Variants in LNX1 observed in about 807,000 individuals in gnomAD.
LNX1 encodes ligand of numb-protein X 1, also known as E3 ubiquitin-protein ligase LNX.
A neutral mutation model predicts 68.4 loss-of-function variants in LNX1; 54 were observed. That is an observed-to-expected ratio of 0.79 (90% CI 0.63 to 0.99). The LOEUF is 0.99. LNX1 is among the 50% of genes least tolerant of loss of function. The probability of loss-of-function intolerance (pLI) is 0.00; values close to 1 mark genes in which losing one functional copy is unlikely to be tolerated. For synonymous variants in LNX1, 336 were observed against 350.0 expected, an observed-to-expected ratio of 0.96 and a Z score of 0.45; for missense variants, 906 against 926.4, an observed-to-expected ratio of 0.98 and a Z score of 0.29.
intron 2 of LNX1, among the ~76,000 whole-genome samples, chr4:53,509,026 C>A (rs1325482232): frequency 1.3e-5 from 2 of 152,122 alleles, no homozygotes; most frequent in East Asian, 3.8e-4. Context: ...TGAAAAAGAA[C>A]ATTCTCGAGG....
intron 1 of LNX1, among the ~76,000 whole-genome samples, chr4:53,641,163 A>G: frequency 7.9e-6 from 1 of 125,858 alleles, no homozygotes; most frequent in Admixed American, 9.4e-5. Context: ...GCTGGAGGAG[A>G]TCCAAGCTGC....
In LNX1 at chr4:53,640,151, T is replaced by C. The variant is rs1301035268; in HGVS notation, c.-215+12017A>G. On this transcript the variant is annotated intron_variant, in intron 1 of 2. Transcript: ENST00000507168. The stretch of plus-strand genomic sequence containing the variant: ...TAGAATGACAGTGGTGGTGGGAGTA[T>C]AGGTTTTTAACATTCTTTTGTTCCC... 3.9e-5 allele frequency among the ~76,000 whole-genome samples: 6 copies of C among 152,314 alleles called. No individual in the cohort carries two copies. In the East Asian group the frequency reaches 7.7e-4, roughly 20 times the overall value.
intron 1 of LNX1, among the ~76,000 whole-genome samples, chr4:53,639,553 T>G (rs1274356642): frequency 1.3e-5 from 2 of 152,240 alleles, no homozygotes; most frequent in African/African-American, 2.4e-5. Context: ...GGTTATTTAT[T>G]GATTGGCTGA....
intron 9 of LNX1, among the ~76,000 whole-genome samples, chr4:53,471,827 T>C (rs1197481843): frequency 6.6e-6 from 1 of 152,118 alleles, no homozygotes; most frequent in African/African-American, 2.4e-5. Context: ...CATTAAAAAG[T>C]CAGGAAACAA....
chr4:53,616,051 C>T (rs970989798), intron 2 of LNX1, among the ~76,000 whole-genome samples: 5 of 152,114 alleles, frequency 3.3e-5, no homozygotes, highest in African/African-American at 9.7e-5. Flanking sequence ...CTCACCACCC[C>T]CGTCCTTCCA....
At chr4:53,628,820 T>G (rs897431663) in intron 1 of LNX1, among the ~76,000 whole-genome samples, 10 of 151,934 alleles carry the variant, frequency 6.6e-5, no homozygotes, top group African/African-American at 2.4e-4. Context: ...ATAATGTCTT[T>G]TACAATGACT....
chr4:53,610,077 A>G (rs1483794013), intron 2 of LNX1, among the ~76,000 whole-genome samples: 1 of 151,954 alleles, frequency 6.6e-6, no homozygotes, highest in Non-Finnish European at 1.5e-5. Flanking sequence ...TTCCCAACAC[A>G]GTAAATAAAT....
chr4:53,575,955 G>C, intron 1 of LNX1: 1 of 1,565,174 alleles, frequency 6.4e-7, no homozygotes, highest in Non-Finnish European at 8.6e-7. Flanking sequence ...CGCAGGAGTG[G>C]CTGGGTGCCC....
intron 1 of LNX1, among the ~76,000 whole-genome samples, chr4:53,643,252 G>A (rs1444827256): frequency 1.3e-5 from 2 of 152,040 alleles, no homozygotes; most frequent in Non-Finnish European, 2.9e-5. Flanking sequence ...CCAGGCTCAA[G>A]CAATCTTCCC....
chr4:53,620,768 T>A (rs936272205), upstream of LNX1, among the ~76,000 whole-genome samples: 3 of 152,122 alleles, frequency 2.0e-5, no homozygotes, highest in Non-Finnish European at 4.4e-5. Flanking sequence ...ATTTCTTTCC[T>A]CCCAGTGCTT....
chr4:53,554,035 C>G (rs1017353765), intron 2 of LNX1, among the ~76,000 whole-genome samples: 1 of 152,164 alleles, frequency 6.6e-6, no homozygotes, highest in Non-Finnish European at 1.5e-5. Context: ...CTAGCCTGTC[C>G]CAGGAAACGT....
chr4:53,584,080 G>C (rs1732004642), intron 1 of LNX1, among the ~76,000 whole-genome samples: 1 of 152,196 alleles, frequency 6.6e-6, no homozygotes, highest in South Asian at 2.1e-4. Context: ...TGGAAAAGAA[G>C]CAAACTGACA....
intron 9 of LNX1, 51 bp from the exon 10 acceptor site, chr4:53,461,644 G>A: frequency 7.1e-7 from 1 of 1,400,162 alleles, no homozygotes; most frequent in South Asian, 1.3e-5. Context: ...TCACAGTTAA[G>A]GGAATACTTA....
At chr4:53,651,356 C>T (rs1735090531) in intron 1 of LNX1, among the ~76,000 whole-genome samples, 1 of 152,216 alleles carries the variant, frequency 6.6e-6, no homozygotes, top group Admixed American at 6.5e-5. Flanking sequence ...CGCCCTGACA[C>T]ATGACCAGTC....
intron 1 of LNX1, among the ~76,000 whole-genome samples, chr4:53,586,590 A>G (rs982151455): frequency 6.6e-6 from 1 of 152,196 alleles, no homozygotes; most frequent in African/African-American, 2.4e-5. Flanking sequence ...TCCCCGGTTA[A>G]TTGGGATAGA....
At position 53,478,615 on chromosome 4, in the gene LNX1, A is replaced by T. The variant is rs1723719185; in HGVS notation, c.1613T>A (p.Ile538Asn). Reference protein sequence around the residue: ...HREWDLPIYVISVEPGGVISR... With the variant: ...HREWDLPIYVNSVEPGGVISR... ...TATGACTCCTCCGGGCTCAACACTG[A>T]TGACATAGATAGGCAAATCCCATTC... The change falls in exon 8 of 11, where the codon ATC becomes AAC. Residue 538 changes from isoleucine to asparagine, a missense_variant. By Grantham distance (149) the Ile-to-Asn change is moderately radical. Coordinates refer to ENST00000263925, the MANE Select transcript of LNX1 (RefSeq NM_001126328.3). 4 of 1,614,056 alleles carry T rather than the reference A, an allele frequency of 2.5e-6. No homozygotes were observed. In the South Asian group the frequency reaches 3.3e-5, roughly 13 times the overall value.
chr4:53,516,076 CA>C (rs1173485406), intron 2 of LNX1, among the ~76,000 whole-genome samples: 2 of 152,124 alleles, frequency 1.3e-5, no homozygotes, highest in East Asian at 3.9e-4. Context: ...CCATATTCTA[CA>C]AAAAAATTTA....
At chr4:53,569,902 C>T (rs1309266410) in intron 2 of LNX1, among the ~76,000 whole-genome samples, 1 of 150,440 alleles carries the variant, frequency 6.6e-6, no homozygotes, top group Non-Finnish European at 1.5e-5. Context: ...AGCCAAAAAA[C>T]ACATGAAAAA....
chr4:53,567,811 G>A (rs1231142778), intron 2 of LNX1, among the ~76,000 whole-genome samples: 3 of 151,942 alleles, frequency 2.0e-5, no homozygotes, highest in Non-Finnish European at 4.4e-5. Context: ...TGATAAAGGG[G>A]ATATCACCAC....
Sources: gnomAD v4.1 joint callset for allele counts (sites outside exome capture counted in the v4.1 genomes callset) on GRCh38, gnomAD v4.1.1 for gene constraint, MANE v1.5 for transcripts, NCBI Gene and HGNC (gene_info 2026-07-23, HGNC 2026-07-21) for gene names.